Variants in SNRNP200 observed in about 807,000 individuals in gnomAD.
SNRNP200 encodes the protein U5 small nuclear ribonucleoprotein 200 kDa helicase.
In SNRNP200, 66 loss-of-function variants were observed where a neutral mutation model predicts 255.2. That is an observed-to-expected ratio of 0.26 (90% CI 0.21 to 0.32). SNRNP200 has a LOEUF of 0.32. SNRNP200 is among the 10% of genes least tolerant of loss of function. The pLI is 1.00. For synonymous variants in SNRNP200, 939 were observed against 1,027.8 expected, an observed-to-expected ratio of 0.91 and a Z score of 1.65; for missense variants, 1,585 against 2,749.8, an observed-to-expected ratio of 0.58 and a Z score of 9.47.
intron 14 of SNRNP200, among the ~76,000 whole-genome samples, 170 bp downstream of exon 14, chr2:96,295,318 G>C (rs1042402166): frequency 3.9e-5 from 6 of 152,218 alleles, no homozygotes; most frequent in Non-Finnish European, 7.3e-5. Context: ...TCTAAGACAG[G>C]ACCTCTGTCA....
rs935757494 is a variant in SNRNP200, at chr2:96,277,136, G to A, written c.6037C>T (p.Arg2013Cys). 7.4e-6 allele frequency: 12 copies of A among 1,614,212 alleles called. No homozygotes were observed. The highest frequency in any genetic ancestry group is 7.6e-6 in the Non-Finnish European group (9 of 1,180,044). The part of the protein sequence containing the change: ...QIADVARFCN[R>C]YPNIELSYEV... ...TAAGATAGTTCGATATTAGGGTAGC[G>A]GTTACAAAAGCGAGCCACATCTGCA... The change falls in exon 42 of 45, where the codon CGC (arginine) becomes TGC (cysteine). Residue 2013 changes from arginine to cysteine, a missense_variant. Around this residue, in one of 9 missense-constraint regions of SNRNP200, gnomAD observed 279 missense variants for 551.2 expected, o/e 0.51. Transcript: ENST00000323853. The surrounding 1 kb of genome is among the most constrained non-coding windows in gnomAD (Gnocchi z 4.4).
rs1197423128 is a variant in SNRNP200, at chr2:96,289,218, T to C, written c.3093+9A>G. The C allele has an allele frequency of 5.0e-6, 8 of 1,614,094 alleles. No homozygotes were observed. The highest frequency in any genetic ancestry group is 2.2e-5 in the East Asian group (1 of 44,890). On this transcript the variant is annotated intron_variant, in intron 22 of 44. Coordinates refer to ENST00000323853, the MANE Select transcript of SNRNP200 (RefSeq NM_014014.5). ...CAACTCCCCGCCCCATCATGCTGCA[T>C]AGGCTCACCTCTCTCACTGTGATGT...
At chr2:96,293,146 G>A in intron 15 of SNRNP200, 51 bp from the exon 16 acceptor site, 1 of 1,611,186 alleles carries the variant, frequency 6.2e-7, no homozygotes. Context: ...AATACTGTGG[G>A]AATAAACAGT....
rs770504417 is a variant in SNRNP200, at chr2:96,278,972, C to T, written c.5160G>A (p.Glu1720=). 8.7e-6 allele frequency: 14 copies of T among 1,613,850 alleles called. No homozygotes were observed. The African/African-American group carries it at 1.7e-4, about 20-fold the overall frequency. Residue 1720 remains glutamate (E), a synonymous_variant, in exon 37 of 45, where the codon GAG becomes GAA. Transcript: ENST00000323853. This position sits in a 1 kb window ranked among gnomAD's most constrained non-coding sequence, Gnocchi z 6.9. ...KKDFFKKFLY[E]PLPVESHLDH... ...CCAGGTGAGATTCTACTGGCAATGGCTCATATAAGAACTTCTTGAAGAAAT... is the reference window on the plus strand; with the variant it reads ...CCAGGTGAGATTCTACTGGCAATGGTTCATATAAGAACTTCTTGAAGAAAT...
Position 96,301,048 on chromosome 2 carries a change from T to C in SNRNP200, c.580A>G (p.Asn194Asp). ...TTCACACCGTATGTCTCATCAATGT[T>C]GTCATCTGAAACAATGAAGGATTAG... is the stretch of plus-strand genomic sequence containing the variant. ...GDKEIQNMDD[N>D]IDETYGVNVQ... Residue 194 changes from asparagine to aspartate, a missense_variant, in exon 5 of 45, where the codon AAC becomes GAC. Around this residue, in one of 9 missense-constraint regions of SNRNP200, gnomAD observed 383 missense variants for 645.3 expected, o/e 0.59. Transcript: ENST00000323853. 1.2e-6 allele frequency: 2 copies of C among 1,613,976 alleles called. No individual in the cohort carries two copies. Among genetic ancestry groups the C allele is most frequent in the Non-Finnish European group, 1.7e-6 (2 of 1,179,894 alleles).
rs2063949019 is a variant in SNRNP200 at position 96,300,980 on chromosome 2, G to A, written c.630+18C>T. 1 of 1,608,208 alleles carries A rather than the reference G, an allele frequency of 6.2e-7. No homozygotes were observed. The highest frequency in any genetic ancestry group is 1.3e-5 in the African/African-American group (1 of 74,830). ...CAACGTCAAAAACAAGAATGGACTG[G>A]GTATGTTTATCACTCACCTCCTCAT... On this transcript the variant is annotated intron_variant, in intron 5 of 44. Coordinates refer to ENST00000323853, the MANE Select transcript of SNRNP200 (RefSeq NM_014014.5).
At position 96,286,237 on chromosome 2, in the gene SNRNP200, C is replaced by A; in HGVS notation, c.4003+74G>T. 6.6e-7 allele frequency: 1 copy of A among 1,508,404 alleles called. No homozygotes were observed. The highest frequency in any genetic ancestry group is 9.2e-7 in the Non-Finnish European group (1 of 1,085,028). The allele number at this position is 1,508,404 out of a possible 1,614,324, so 93.4% of individuals were successfully genotyped here. On this transcript the variant is annotated intron_variant, in intron 29 of 44. Coordinates refer to ENST00000323853, the MANE Select transcript of SNRNP200 (RefSeq NM_014014.5). This position sits in a 1 kb window ranked among gnomAD's most constrained non-coding sequence, Gnocchi z 4.8. Reference sequence around the variant, plus strand: ...TCCCAAGTGCCTGAGCACCCCCACTCCCCTGCCTGCCACAGAGCACATCTG... The same window carrying A: ...TCCCAAGTGCCTGAGCACCCCCACTACCCTGCCTGCCACAGAGCACATCTG...
Position 96,290,681 on chromosome 2 carries a change from T to C in SNRNP200, c.2553+3A>G, listed in dbSNP as rs2104349479. The stretch of plus-strand genomic sequence containing the variant: ...CTGAGAATAAACTCAAAAGGCTCTG[T>C]ACCTGCAGAATGTCCAGTGCTCCCA... On this transcript the variant is annotated splice_donor_region_variant and intron_variant, in intron 19 of 44. Transcript: ENST00000323853. The surrounding 1 kb of genome is among the most constrained non-coding windows in gnomAD (Gnocchi z 4.5). The C allele has an allele frequency of 1.2e-6, 2 of 1,614,202 alleles. No individual in the cohort carries two copies. Among genetic ancestry groups the C allele is most frequent in the Non-Finnish European group, 1.7e-6 (2 of 1,180,036 alleles).
chr2:96,282,055 G>T, intron 34 of SNRNP200, 133 bp from the exon 35 acceptor site: 1 of 694,108 alleles, frequency 1.4e-6, no homozygotes, highest in East Asian at 2.7e-5. Context: ...TAGGAACAAG[G>T]TCTAACATGA....
chr2:96,285,363 A>G, intron 29 of SNRNP200, 23 bp from the exon 30 acceptor site: 1 of 1,613,510 alleles, frequency 6.2e-7, no homozygotes, highest in Non-Finnish European at 8.5e-7. Context: ...AGAAAGAAGC[A>G]GTGTAAGTAT....
Position 96,286,299 on chromosome 2 carries a change from G to A in SNRNP200, c.4003+12C>T, listed in dbSNP as rs1175527781. The A allele has an allele frequency of 2.5e-6, 4 of 1,613,422 alleles. No homozygotes were observed. Among genetic ancestry groups the A allele is most frequent in the East Asian group, 2.2e-5 (1 of 44,888 alleles). On this transcript the variant is annotated intron_variant, in intron 29 of 44. Coordinates refer to ENST00000323853, the MANE Select transcript of SNRNP200 (RefSeq NM_014014.5). This position sits in a 1 kb window ranked among gnomAD's most constrained non-coding sequence, Gnocchi z 4.8. ...CTTCAAAAGCCTCCAGAGGAGGGAT[G>A]GAAACACTTACCCTGGGTCTGGATG...
In SNRNP200 at chr2:96,286,240, C is replaced by T; in HGVS notation, c.4003+71G>A. 1.3e-6 allele frequency: 2 copies of T among 1,531,998 alleles called. No homozygotes were observed. Among genetic ancestry groups the T allele is most frequent in the South Asian group, 2.3e-5 (2 of 88,710 alleles). 94.9% of individuals were successfully genotyped at this position (1,531,998 alleles called of 1,614,324 possible). On this transcript the variant is annotated intron_variant, in intron 29 of 44. Coordinates refer to ENST00000323853, the MANE Select transcript of SNRNP200 (RefSeq NM_014014.5). This position sits in a 1 kb window ranked among gnomAD's most constrained non-coding sequence, Gnocchi z 4.8. ...CAAGTGCCTGAGCACCCCCACTCCC[C>T]TGCCTGCCACAGAGCACATCTGTCT...
intron 14 of SNRNP200, 95 bp downstream of exon 14, chr2:96,295,393 A>G: frequency 6.6e-7 from 1 of 1,515,260 alleles, no homozygotes; most frequent in Non-Finnish European, 9.1e-7. Context: ...GCTAGTGCCT[A>G]CAGAAAAGGC....
At position 96,289,359 on chromosome 2, in the gene SNRNP200, T is replaced by TGTAA; in HGVS notation, c.2960_2961insTTAC (p.Ala988TyrfsTer10). ...CATTGGTGATGTAGTAGTGGCTGGC[T>TGTAA]ATACGGCCCAGTTCTGTCACCTGGA... On this transcript the variant is annotated frameshift_variant, in exon 22 of 45. Coordinates refer to ENST00000323853, the MANE Select transcript of SNRNP200 (RefSeq NM_014014.5). LOFTEE classifies it high-confidence loss of function. 1 of 1,614,134 alleles carries TGTAA rather than the reference T, an allele frequency of 6.2e-7. No homozygotes were observed. The highest frequency in any genetic ancestry group is 8.5e-7 in the Non-Finnish European group (1 of 1,179,976).
In SNRNP200 at chr2:96,283,978, T is replaced by C. The variant is rs2063825440; in HGVS notation, c.4419A>G (p.Arg1473=). 2 of 1,554,204 alleles carry C rather than the reference T, an allele frequency of 1.3e-6. No homozygotes were observed. Among genetic ancestry groups the C allele is most frequent in the African/African-American group, 2.7e-5 (2 of 73,188 alleles). Residue 1473 remains arginine (R), a synonymous_variant, in exon 32 of 45, where the codon CGA becomes CGG. Coordinates refer to ENST00000323853, the MANE Select transcript of SNRNP200 (RefSeq NM_014014.5). This position sits in a 1 kb window ranked among gnomAD's most constrained non-coding sequence, Gnocchi z 4.7. ...CAATCTGGGAGGAGATGTAGCGCAT[T>C]CGGGAGCAGATCACTTCTAAGACAG... ...NGPVLEVICS[R]MRYISSQIER...
chr2:96,277,524 G>A lies in SNRNP200; in HGVS notation c.5931+15C>T, dbSNP rs1311481287. 2 of 1,612,200 alleles carry A rather than the reference G, an allele frequency of 1.2e-6. No homozygotes were observed. The highest frequency in any genetic ancestry group is 3.3e-5 in the Admixed American group (2 of 60,010). ...CAGGCTCACCCACCTGACCCTCTAG[G>A]CTGACCCGGCTCACCTTGTCTGTGC... On this transcript the variant is annotated intron_variant, in intron 41 of 44. Transcript: ENST00000323853. This position sits in a 1 kb window ranked among gnomAD's most constrained non-coding sequence, Gnocchi z 4.4.
Position 96,295,474 on chromosome 2 carries a change from T to C in SNRNP200, c.1842+14A>G. 6.2e-7 allele frequency: 1 copy of C among 1,613,238 alleles called. No individual in the cohort carries two copies. The highest frequency in any genetic ancestry group is 8.5e-7 in the Non-Finnish European group (1 of 1,179,994). ...ACAACTGGACTCTATATTCTACGAC[T>C]GCTCCCAACTCACCAGAATGATGAG... On this transcript the variant is annotated intron_variant, in intron 14 of 44. Coordinates refer to ENST00000323853, the MANE Select transcript of SNRNP200 (RefSeq NM_014014.5).
intron 12 of SNRNP200, 120 bp downstream of exon 12, chr2:96,296,813 T>A: frequency 2.6e-6 from 4 of 1,541,816 alleles, no homozygotes; most frequent in Non-Finnish European, 3.6e-6. Context: ...TCCTACTATT[T>A]AACCTCTCTT....
chr2:96,281,518 G>A, intron 35 of SNRNP200: 1 of 392,944 alleles, frequency 2.5e-6, no homozygotes, highest in Non-Finnish European at 4.9e-6. Flanking sequence ...CCTCGACCAA[G>A]TCACTTTTCC....
Sources: allele counts gnomAD v4.1 joint callset (sites outside exome capture counted in the v4.1 genomes callset), GRCh38; gene constraint gnomAD v4.1.1; regional missense constraint gnomAD v4.1.1; non-coding constraint Gnocchi (gnomAD v3.1); transcripts MANE v1.5; gene names NCBI Gene and HGNC (gene_info 2026-07-23, HGNC 2026-07-21).